The following CSF1R variants were observed in gnomAD, a reference collection of about 807,000 sequenced individuals.
CSF1R encodes the protein colony stimulating factor 1 receptor.
Under a neutral mutation model 110.0 loss-of-function variants are expected in CSF1R, and 40 were observed. The observed-to-expected ratio is 0.36, with a 90% CI of 0.28 to 0.47. The LOEUF (loss-of-function observed/expected upper bound fraction) is 0.47. CSF1R is among the 20% of genes least tolerant of loss of function. The pLI, the probability that CSF1R is intolerant of heterozygous loss-of-function variation, is 0.99. For missense variants in CSF1R, 1,052 were observed against 1,253.0 expected, an observed-to-expected ratio of 0.84 and a Z score of 2.42; for synonymous variants, 523 against 503.4, an observed-to-expected ratio of 1.04 and a Z score of -0.52.
At chr5:150,068,769 T>C (rs1757898537) in intron 9 of CSF1R, among the ~76,000 whole-genome samples, 2 of 152,216 alleles carry the variant, frequency 1.3e-5, no homozygotes, top group Admixed American at 6.5e-5. Context: ...CTTCTCCACA[T>C]GCCTTTGGAA....
chr5:150,080,373 C>T (rs1370456741), intron 2 of CSF1R, 37 bp from the exon 3 acceptor site: 2 of 1,596,008 alleles, frequency 1.3e-6, no homozygotes, highest in East Asian at 4.5e-5. Context: ...CAACTGCCCT[C>T]CCTCCACTGG....
At chr5:150,078,414 G>T (rs572782481) in intron 3 of CSF1R, among the ~76,000 whole-genome samples, 166 bp from the exon 4 acceptor site, 3 of 152,094 alleles carry the variant, frequency 2.0e-5, no homozygotes, top group Non-Finnish European at 2.9e-5. Context: ...CCACTGCAAG[G>T]CCTGTCCTAA....
intron 4 of CSF1R, among the ~76,000 whole-genome samples, chr5:150,077,782 G>A (rs1018695405): frequency 2.0e-5 from 3 of 152,156 alleles, no homozygotes; most frequent in Non-Finnish European, 2.9e-5. Context: ...GGCTTCAATG[G>A]TGGCCTAGGA....
chr5:150,078,547 C>T (rs56912026), intron 3 of CSF1R, among the ~76,000 whole-genome samples: 79,290 of 152,020 alleles, frequency 0.52, 21,541 homozygotes, highest in African/African-American at 0.56. Context: ...CCAAGCCCCC[C>T]ACACCTAGAT....
At chr5:150,089,906 G>A (rs1007239544), upstream of CSF1R, among the ~76,000 whole-genome samples, 1 of 152,154 alleles carries the variant, frequency 6.6e-6, no homozygotes, top group Non-Finnish European at 1.5e-5. Context: ...TTCAACAAGG[G>A]TGGCAGGACC....
chr5:150,108,244 A>G (rs1340359467), intron 1 of CSF1R, among the ~76,000 whole-genome samples: 2 of 152,186 alleles, frequency 1.3e-5, no homozygotes, highest in East Asian at 3.8e-4. Context: ...TCAGCTGAAG[A>G]ATGAGGAAAG....
At chr5:150,084,447 G>GAAGGAAGGAAGA (rs1462759862) in intron 1 of CSF1R, among the ~76,000 whole-genome samples, 1 of 63,938 alleles carries the variant, frequency 1.6e-5, no homozygotes, top group Non-Finnish European at 3.1e-5. Flanking sequence ...AGGAAGGAAG[G>GAAGGAAGGAAGA]AAGGAAGGAA....
chr5:150,078,181 G>T lies in CSF1R; in HGVS notation c.660C>A (p.Ala220=), dbSNP rs1040259920. ...AELVRIRGEA[A]QIVCSASSVD... The stretch of plus-strand genomic sequence containing the variant: ...CGCTGCTGGCTGAGCACACGATCTG[G>T]GCAGCCTCCCCTCGAATCCGCACCA... The change falls in exon 4 of 21, where the codon GCC becomes GCA. Residue 220 remains alanine, a synonymous_variant. Coordinates refer to ENST00000675795, the MANE Select transcript of CSF1R (RefSeq NM_001288705.3). 6.2e-7 allele frequency: 1 copy of T among 1,614,106 alleles called. No homozygotes were observed. Among genetic ancestry groups the T allele is most frequent in the Non-Finnish European group, 8.5e-7 (1 of 1,180,000 alleles).
chr5:150,083,000 C>G (rs1758619730), intron 1 of CSF1R, among the ~76,000 whole-genome samples: 1 of 152,152 alleles, frequency 6.6e-6, no homozygotes, highest in African/African-American at 2.4e-5. Context: ...CCTGCCTTGG[C>G]CTCCAGGAAA....
chr5:150,088,876 C>A (rs931915161), upstream of CSF1R, among the ~76,000 whole-genome samples: 1 of 152,156 alleles, frequency 6.6e-6, no homozygotes, highest in African/African-American at 2.4e-5. Context: ...TGATTATATA[C>A]CATGATGAAG....
rs1432517640 is a variant in CSF1R, at chr5:150,059,716, T to C, written c.2116A>G (p.Lys706Glu). The change falls in exon 14 of 21, where the codon AAG becomes GAG. Residue 706 changes from lysine (K) to glutamate (E), a missense_variant. Transcript: ENST00000675795. Reference protein sequence around the residue: ...GVDYKNIHLEKKYVRRDSGFS... With the variant: ...GVDYKNIHLEEKYVRRDSGFS... Reference sequence around the variant, plus strand: ...AGGGGCTACCTGCGGACATATTTCTTCTCGAGGTGGATGTTCTTATAGTCG... The same window carrying C: ...AGGGGCTACCTGCGGACATATTTCTCCTCGAGGTGGATGTTCTTATAGTCG... 1 of 1,613,942 alleles carries C rather than the reference T, an allele frequency of 6.2e-7. No homozygotes were observed. Among genetic ancestry groups the C allele is most frequent in the South Asian group, 1.1e-5 (1 of 91,076 alleles).
chr5:150,102,726 T>G (rs1007685558), intron 1 of CSF1R, among the ~76,000 whole-genome samples: 4 of 152,252 alleles, frequency 2.6e-5, no homozygotes, highest in African/African-American at 7.2e-5. Context: ...GTGATCTGCA[T>G]GCCTTGGTCT....
chr5:150,058,580 T>C (rs529935741), intron 14 of CSF1R, among the ~76,000 whole-genome samples: 21 of 152,370 alleles, frequency 1.4e-4, no homozygotes, highest in Non-Finnish European at 2.5e-4. Context: ...TATTTGAAGA[T>C]GGAAGCTAAT....
chr5:150,087,274 GT>G (rs200609552), upstream of CSF1R, among the ~76,000 whole-genome samples: 68 of 151,756 alleles, frequency 4.5e-4, no homozygotes, highest in East Asian at 0.012. Context: ...AACGGAGTTT[GT>G]TTTCTTCCTG....
intron 1 of CSF1R, among the ~76,000 whole-genome samples, chr5:150,100,290 C>CTTTTCTT (rs1759364525): frequency 1.1e-5 from 1 of 89,348 alleles, no homozygotes; most frequent in African/African-American, 4.6e-5. Context: ...ATTGGCTAAC[C>CTTTTCTT]TTTTTTTTTT....
intron 1 of CSF1R, among the ~76,000 whole-genome samples, chr5:150,101,775 T>C (rs1476578296): frequency 6.6e-6 from 1 of 150,872 alleles, no homozygotes; most frequent in Non-Finnish European, 1.5e-5. Flanking sequence ...TCACAGCCTC[T>C]CTCCCCGCCT....
rs971320629 is a variant in CSF1R, at chr5:150,070,226, G to A, written c.1275C>T (p.Pro425=). The change falls in exon 8 of 21, where the codon CCC becomes CCT. Residue 425 remains proline (P), a synonymous_variant. Coordinates refer to ENST00000675795, the MANE Select transcript of CSF1R (RefSeq NM_001288705.3). ...GTLLCAASGY[P]QPNVTWLQCS... is the part of the protein sequence containing the mutation. The stretch of plus-strand genomic sequence containing the variant: ...ACTGCAGCCATGTCACGTTGGGCTG[G>A]GGGTACCCAGAGGCAGCACACAAAA... The A allele has an allele frequency of 6.2e-7, 1 of 1,614,150 alleles. No individual in the cohort carries two copies. Among genetic ancestry groups the A allele is most frequent in the Non-Finnish European group, 8.5e-7 (1 of 1,180,016 alleles).
chr5:150,098,561 A>C (rs931605523), intron 1 of CSF1R: 7 of 152,242 alleles, frequency 4.6e-5, no homozygotes, highest in Non-Finnish European at 8.8e-5. Flanking sequence ...ACTCTTTTAA[A>C]TAGATGGTTA....
At chr5:150,089,905 G>A (rs1048677653), upstream of CSF1R, among the ~76,000 whole-genome samples, 1 of 152,078 alleles carries the variant, frequency 6.6e-6, no homozygotes, top group African/African-American at 2.4e-5. Flanking sequence ...ATTCAACAAG[G>A]GTGGCAGGAC....
Sources: allele counts gnomAD v4.1 joint callset (sites outside exome capture counted in the v4.1 genomes callset), GRCh38; gene constraint gnomAD v4.1.1; transcripts MANE v1.5; gene names NCBI Gene and HGNC (gene_info 2026-07-23, HGNC 2026-07-21).